EDAR: variants seen among roughly 807,000 people sequenced by gnomAD.
EDAR encodes the protein tumor necrosis factor receptor superfamily member EDAR.
A neutral mutation model predicts 51.3 loss-of-function variants in EDAR; 38 were observed. That is an observed-to-expected ratio of 0.74 (90% CI 0.57 to 0.97). The LOEUF (loss-of-function observed/expected upper bound fraction) is 0.97. EDAR is among the 50% of genes least tolerant of loss of function. The probability of loss-of-function intolerance (pLI) is 0.00; values close to 1 mark genes in which losing one functional copy is unlikely to be tolerated. For missense variants in EDAR, 528 were observed against 595.0 expected, an observed-to-expected ratio of 0.89 and a Z score of 1.17; for synonymous variants, 227 against 242.1, an observed-to-expected ratio of 0.94 and a Z score of 0.58.
intron 1 of EDAR, among the ~76,000 whole-genome samples, chr2:108,957,049 C>G (rs1278744837): frequency 6.6e-6 from 1 of 152,234 alleles, no homozygotes; most frequent in Non-Finnish European, 1.5e-5. Flanking sequence ...CTCGGCCTCC[C>G]AAAGTGCTGG....
At chr2:108,912,600 T>A in intron 6 of EDAR, 78 bp downstream of exon 6, 1 of 1,354,296 alleles carries the variant, frequency 7.4e-7, no homozygotes, top group Non-Finnish European at 1.0e-6. Context: ...TCACTCATGA[T>A]CATTTCCTCT....
intron 1 of EDAR, among the ~76,000 whole-genome samples, chr2:108,962,809 T>C (rs189058046): frequency 3.9e-5 from 6 of 151,984 alleles, no homozygotes; most frequent in African/African-American, 1.4e-4. Flanking sequence ...TACCATTCTG[T>C]CCAAGAGACT....
intron 1 of EDAR, among the ~76,000 whole-genome samples, chr2:108,955,438 G>A (rs1213834562): frequency 2.6e-5 from 4 of 152,150 alleles, no homozygotes; most frequent in African/African-American, 9.7e-5. Flanking sequence ...TATTTGTAGA[G>A]ACATATATAT....
chr2:108,942,604 G>A (rs1697625590), intron 1 of EDAR, among the ~76,000 whole-genome samples: 1 of 152,270 alleles, frequency 6.6e-6, no homozygotes, highest in African/African-American at 2.4e-5. Flanking sequence ...TCTGCGCTGA[G>A]TGAGGCCGTG....
At position 108,921,313 on chromosome 2, in the gene EDAR, C is replaced by T. The variant is rs139001315; in HGVS notation, c.442+2055G>A. 1.0e-3 allele frequency among the ~76,000 whole-genome samples: 152 copies of T among 152,308 alleles called. 2 individuals are homozygous for T. Among genetic ancestry groups the T allele is most frequent in the African/African-American group, 3.5e-3 (144 of 41,578 alleles). On this transcript the variant is annotated intron_variant, in intron 5 of 11. Transcript: ENST00000258443. ...CCCTGCAGCTGCGACCCATTGTCTG[C>T]TGTAGCTCTCCTAGGTGGGTGTCAT...
chr2:108,975,221 G>A (rs898720486), intron 1 of EDAR, among the ~76,000 whole-genome samples: 8 of 152,208 alleles, frequency 5.3e-5, no homozygotes, highest in Non-Finnish European at 7.3e-5. Flanking sequence ...AGGAGAGAGA[G>A]GATCTGAACA....
rs772240997 is a variant in EDAR at position 108,930,220 on chromosome 2, C to T, written c.74G>A (p.Arg25Gln). The T allele has an allele frequency of 1.1e-5, 18 of 1,613,962 alleles. No homozygotes were observed. The highest frequency in any genetic ancestry group is 1.3e-5 in the African/African-American group (1 of 74,902). Residue 25 changes from arginine (R) to glutamine (Q), a missense_variant, in exon 3 of 12, where the codon CGA becomes CAA. Physicochemically the swap from Arg to Gln is conservative, Grantham distance 43. Coordinates refer to ENST00000258443, the MANE Select transcript of EDAR (RefSeq NM_022336.4). ...CTCACCGCAGTTTGAGTATTCCGCT[C>T]GGGCTGAGCACATCAGAGACACCTG... ...VLVVSLMCSA[R>Q]AEYSNCGENE...
At chr2:108,984,985 T>C (rs936027894) in intron 1 of EDAR, among the ~76,000 whole-genome samples, 1 of 152,232 alleles carries the variant, frequency 6.6e-6, no homozygotes, top group African/African-American at 2.4e-5. Context: ...AGAGATTTGG[T>C]AACCATCTGA....
intron 1 of EDAR, among the ~76,000 whole-genome samples, chr2:108,937,921 T>A (rs1483006306): frequency 6.6e-6 from 1 of 152,256 alleles, no homozygotes; most frequent in Non-Finnish European, 1.5e-5. Flanking sequence ...GTTGAAAGTT[T>A]AAAATCCAAG....
At chr2:108,940,629 T>C (rs563712009) in intron 1 of EDAR, among the ~76,000 whole-genome samples, 1 of 152,264 alleles carries the variant, frequency 6.6e-6, no homozygotes, top group Non-Finnish European at 1.5e-5. Context: ...ACAATGTGAA[T>C]GTGGAGTCAC....
intron 1 of EDAR, among the ~76,000 whole-genome samples, chr2:108,948,856 G>A (rs984164848): frequency 6.6e-6 from 1 of 152,152 alleles, no homozygotes; most frequent in Non-Finnish European, 1.5e-5. Flanking sequence ...GGTGGCTCAT[G>A]CGTATAATCC....
intron 1 of EDAR, among the ~76,000 whole-genome samples, chr2:108,979,649 C>T (rs1698389146): frequency 6.6e-6 from 1 of 152,094 alleles, no homozygotes; most frequent in Non-Finnish European, 1.5e-5. Context: ...TCCTGCCTCC[C>T]TACCCAGGGT....
rs545788565 is a variant in EDAR at position 108,929,615 on chromosome 2, C to A, written c.175-236G>T. Among the ~76,000 whole-genome samples, 244 of 152,296 alleles carry A rather than the reference C, an allele frequency of 1.6e-3. 3 individuals are homozygous for A. The highest frequency in any genetic ancestry group is 0.011 in the South Asian group (51 of 4,826). ...GATGCTGCCCCTTTTCTGAGCCTCC[C>A]CGAGATGAATTCAGCGAGCTGCTGG... On this transcript the variant is annotated intron_variant, in intron 3 of 11. Transcript: ENST00000258443.
intron 11 of EDAR, among the ~76,000 whole-genome samples, chr2:108,897,596 G>A (rs1363035608): frequency 6.6e-5 from 10 of 152,158 alleles, no homozygotes; most frequent in Admixed American, 6.5e-4. Context: ...GGGCTGAGGA[G>A]GGGTTCAAAG....
chr2:108,966,442 G>A (rs1486631222), intron 1 of EDAR, among the ~76,000 whole-genome samples: 2 of 152,198 alleles, frequency 1.3e-5, no homozygotes, highest in Non-Finnish European at 2.9e-5. Flanking sequence ...CTCCTCACAG[G>A]GCACAGGAAG....
At chr2:108,949,818 G>C (rs1697788874) in intron 1 of EDAR, among the ~76,000 whole-genome samples, 1 of 152,202 alleles carries the variant, frequency 6.6e-6, no homozygotes, top group Admixed American at 6.5e-5. Context: ...GATTTATCAT[G>C]GGTTAGGTCT....
chr2:108,970,489 A>G (rs1226772950), intron 1 of EDAR, among the ~76,000 whole-genome samples: 1 of 152,134 alleles, frequency 6.6e-6, no homozygotes. Context: ...AGGGCAGGAC[A>G]CTGAGTGGAG....
At chr2:108,970,682 A>G (rs559370015) in intron 1 of EDAR, among the ~76,000 whole-genome samples, 2 of 152,214 alleles carry the variant, frequency 1.3e-5, no homozygotes, top group Non-Finnish European at 2.9e-5. Context: ...CCTTTGGAGA[A>G]GACAGAAAAA....
intron 11 of EDAR, among the ~76,000 whole-genome samples, chr2:108,898,594 A>G (rs1376668458): frequency 6.6e-6 from 1 of 152,264 alleles, no homozygotes; most frequent in East Asian, 1.9e-4. Flanking sequence ...GAGTAAAAAA[A>G]GAAAATCAAT....
Sources: allele counts gnomAD v4.1 joint callset (sites outside exome capture counted in the v4.1 genomes callset), GRCh38; gene constraint gnomAD v4.1.1; transcripts MANE v1.5; gene names NCBI Gene and HGNC (gene_info 2026-07-23, HGNC 2026-07-21).